BRCA2: variants seen among roughly 807,000 people sequenced by gnomAD.
BRCA2 encodes breast cancer type 2 susceptibility protein.
Under a neutral mutation model 276.7 loss-of-function variants are expected in BRCA2, and 203 were observed. The observed-to-expected ratio is 0.73, with a 90% confidence interval of 0.65 to 0.82. BRCA2 has a LOEUF of 0.82. Ranked by LOEUF, BRCA2 falls within the 40% of genes least tolerant of loss-of-function variation. The probability of loss-of-function intolerance (pLI) is 0.00; values close to 1 mark genes in which losing one functional copy is unlikely to be tolerated. For missense variants in BRCA2, 3,920 were observed against 3,915.0 expected, an observed-to-expected ratio of 1.00 and a Z score of -0.03; for synonymous variants, 1,289 against 1,338.4, an observed-to-expected ratio of 0.96 and a Z score of 0.81.
intron 20 of BRCA2, among the ~76,000 whole-genome samples, chr13:32,372,881 C>A (rs565627184): frequency 6.6e-6 from 1 of 152,212 alleles, no homozygotes; most frequent in South Asian, 2.1e-4. Context: ...TTCCAAGATA[C>A]AATGGGGGTA....
At position 32,338,972 on chromosome 13, in the gene BRCA2, G is replaced by T; in HGVS notation, c.4617G>T (p.Leu1539Phe). Reference protein sequence around the residue: ...GKKVKIAKESLDKVKNLFDEK... With the variant: ...GKKVKIAKESFDKVKNLFDEK... ...AAGTTAAAATTGCAAAGGAATCTTTGGACAAAGTGAAAAACCTTTTTGATG... is the reference window on the plus strand; with the variant it reads ...AAGTTAAAATTGCAAAGGAATCTTTTGACAAAGTGAAAAACCTTTTTGATG... Residue 1539 changes from leucine to phenylalanine, a missense_variant, in exon 11 of 27, where the codon TTG becomes TTT. This residue lies in a region of BRCA2 where 3,263 missense variants were observed against 3,156.9 expected (regional missense o/e 1.03). Coordinates refer to ENST00000380152, the MANE Select transcript of BRCA2 (RefSeq NM_000059.4). The T allele has an allele frequency of 6.2e-7, 1 of 1,613,656 alleles. No homozygotes were observed. Among genetic ancestry groups the T allele is most frequent in the Non-Finnish European group, 8.5e-7 (1 of 1,179,834 alleles).
chr13:32,343,048 GAAA>G (rs398022213), intron 11 of BRCA2, among the ~76,000 whole-genome samples: 1 of 142,224 alleles, frequency 7.0e-6, no homozygotes, highest in African/African-American at 2.6e-5. Context: ...GACTCCATCT[GAAA>G]AAAAAAAAAA....
chr13:32,331,492 G>A (rs2072391281), intron 9 of BRCA2, among the ~76,000 whole-genome samples: 2 of 152,258 alleles, frequency 1.3e-5, no homozygotes, highest in South Asian at 2.1e-4. Flanking sequence ...AAGCCCAGGC[G>A]GTCAAGGTTG....
In BRCA2 at chr13:32,339,660, G is replaced by T; in HGVS notation, c.5305G>T (p.Asp1769Tyr). 1 of 1,612,410 alleles carries T rather than the reference G, an allele frequency of 6.2e-7. No homozygotes were observed. Among genetic ancestry groups the T allele is most frequent in the South Asian group, 1.1e-5 (1 of 90,932 alleles). ...DSGYLSKNKL[D>Y]SGIEPVLKNV... is the part of the protein sequence containing the mutation. ...AGGATATCTCTCAAAAAATAAACTTGATTCTGGTATTGAGCCAGTATTGAA... is the reference window on the plus strand; with the variant it reads ...AGGATATCTCTCAAAAAATAAACTTTATTCTGGTATTGAGCCAGTATTGAA... Residue 1769 changes from aspartate to tyrosine, a missense_variant, in exon 11 of 27, where the codon GAT becomes TAT. Coordinates refer to ENST00000380152, the MANE Select transcript of BRCA2 (RefSeq NM_000059.4).
chr13:32,326,495 C>G lies in BRCA2; in HGVS notation c.517-4C>G, dbSNP rs81002804. On this transcript the variant is annotated splice_region_variant and splice_polypyrimidine_tract_variant and intron_variant, in intron 6 of 26. Coordinates refer to ENST00000380152, the MANE Select transcript of BRCA2 (RefSeq NM_000059.4). ...AAAAAATAAACTATTTTCTTTCCTC[C>G]CAGGGTCGTCAGACACCAAAACATA... The G allele has an allele frequency of 5.0e-5, 80 of 1,597,248 alleles. No homozygotes were observed. The African/African-American group carries it at 6.3e-4, about 13-fold the overall frequency.
At chr13:32,357,707 T>G (rs71436475) in intron 15 of BRCA2, 35 bp from the exon 16 acceptor site, 7 of 1,588,402 alleles carry the variant, frequency 4.4e-6, no homozygotes, top group Admixed American at 1.7e-5. Context: ...TACTTTAAAT[T>G]GTTTTTCTTT....
At chr13:32,341,535 TAACAA>T (rs2072569855) in intron 11 of BRCA2, among the ~76,000 whole-genome samples, 1 of 152,190 alleles carries the variant, frequency 6.6e-6, no homozygotes, top group Non-Finnish European at 1.5e-5. Context: ...TTGAAACTCT[TAACAA>T]AACCTGCATA....
chr13:32,339,191 A>G lies in BRCA2; in HGVS notation c.4836A>G (p.Pro1612=). ...TTGTTTCTATTGAGACTGTGGTGCC[A>G]CCTAAGCTCTTAAGTGATAATTTAT... ...KNLVSIETVV[P]PKLLSDNLCR... The change falls in exon 11 of 27, where the codon CCA becomes CCG. Residue 1612 remains proline (P), a synonymous_variant. Coordinates refer to ENST00000380152, the MANE Select transcript of BRCA2 (RefSeq NM_000059.4). 1 of 1,613,724 alleles carries G rather than the reference A, an allele frequency of 6.2e-7. No individual in the cohort carries two copies. The highest frequency in any genetic ancestry group is 2.2e-5 in the East Asian group (1 of 44,876).
In BRCA2 at chr13:32,394,830, CA is replaced by C; in HGVS notation, c.9399del (p.Gly3134AlafsTer29). ...SNLQWRPESK[S>X]GLLTLFAGDF... ...CTCCAGTGGCGACCAGAATCCAAAT[CA>C]GGCCTTCTTACTTTATTTGCTGGAG... On this transcript the variant is annotated frameshift_variant, in exon 25 of 27. Transcript: ENST00000380152. LOFTEE classifies it high-confidence loss of function. 6.2e-7 allele frequency: 1 copy of C among 1,614,104 alleles called. No homozygotes were observed. Among genetic ancestry groups the C allele is most frequent in the Non-Finnish European group, 8.5e-7 (1 of 1,179,986 alleles).
Position 32,335,967 on chromosome 13 carries a change from A to G in BRCA2, c.1910-298A>G, listed in dbSNP as rs144346065. On this transcript the variant is annotated intron_variant, in intron 10 of 26. Transcript: ENST00000380152. ...TGTGATCTCAGCTCACCGTAGCCTC[A>G]CCCTCCTGGGCTCAAGCAGTCCTTG... is the stretch of plus-strand genomic sequence containing the variant. Among the ~76,000 whole-genome samples, 51 of 152,078 alleles carry G rather than the reference A, an allele frequency of 3.4e-4. No homozygotes were observed. The East Asian group carries it at 7.5e-3, about 22-fold the overall frequency.
At chr13:32,326,180 T>TAG in intron 5 of BRCA2, 30 bp downstream of exon 5, 1 of 1,607,378 alleles carries the variant, frequency 6.2e-7, no homozygotes, top group Non-Finnish European at 8.5e-7. Context: ...TTTTTATTCT[T>TAG]AGAATACTAG....
intron 24 of BRCA2, among the ~76,000 whole-genome samples, chr13:32,383,102 C>CAAGGTGGG (rs2072935038): frequency 2.6e-5 from 4 of 151,482 alleles, no homozygotes; most frequent in African/African-American, 9.7e-5. Context: ...TGGCTAACGC[C>CAAGGTGGG]TGTAATCCAG....
chr13:32,384,273 A>C (rs1566255103), intron 24 of BRCA2, among the ~76,000 whole-genome samples: 1 of 152,214 alleles, frequency 6.6e-6, no homozygotes. Flanking sequence ...GGTTTGTTGC[A>C]ACAAGATGGC....
chr13:32,375,807 G>A (rs200317342), intron 20 of BRCA2, among the ~76,000 whole-genome samples: 3 of 151,958 alleles, frequency 2.0e-5, no homozygotes, highest in Non-Finnish European at 4.4e-5. Flanking sequence ...TGATCCACCC[G>A]CCTCGGCCTC....
chr13:32,338,492 G>A lies in BRCA2; in HGVS notation c.4137G>A (p.Gln1379=), dbSNP rs768918982. 5.0e-6 allele frequency: 8 copies of A among 1,608,860 alleles called. No individual in the cohort carries two copies. Among genetic ancestry groups the A allele is most frequent in the Non-Finnish European group, 6.8e-6 (8 of 1,178,606 alleles). ...SGQFMKEGNT[Q]IKEDLSDLTF... ...AGTTTATGAAGGAGGGAAACACTCAGATTAAAGAAGATTTGTCAGATTTAA... is the reference window on the plus strand; with the variant it reads ...AGTTTATGAAGGAGGGAAACACTCAAATTAAAGAAGATTTGTCAGATTTAA... Residue 1379 remains glutamine, a synonymous_variant, in exon 11 of 27, where the codon CAG becomes CAA. Transcript: ENST00000380152.
intron 13 of BRCA2, among the ~76,000 whole-genome samples, chr13:32,349,576 G>C (rs1319104202): frequency 1.3e-5 from 2 of 152,056 alleles, no homozygotes; most frequent in Non-Finnish European, 2.9e-5. Flanking sequence ...GGCTCACATG[G>C]AGGCTGAGGC....
chr13:32,394,970 A>G (rs2073026200), intron 25 of BRCA2, 37 bp downstream of exon 25: 6 of 1,612,060 alleles, frequency 3.7e-6, no homozygotes, highest in African/African-American at 2.7e-5. Flanking sequence ...ACATTTTGGT[A>G]TTTTTCTATT....
rs431825303 is a variant in BRCA2 at position 32,337,549 on chromosome 13, T to A, written c.3194T>A (p.Ile1065Asn). 1 of 1,607,982 alleles carries A rather than the reference T, an allele frequency of 6.2e-7. No homozygotes were observed. The highest frequency in any genetic ancestry group is 8.5e-7 in the Non-Finnish European group (1 of 1,176,976). Residue 1065 changes from isoleucine (I) to asparagine (N), a missense_variant, in exon 11 of 27, where the codon ATT becomes AAT. Transcript: ENST00000380152. ...AAGAAACTGAGCAAGCCTCAGTCAA[T>A]TAATACTGTATCTGCACATTTACAG... The part of the protein sequence containing the change: ...NQKKLSKPQS[I>N]NTVSAHLQSS...
At position 32,326,613 on chromosome 13, in the gene BRCA2, G is replaced by A. The variant is rs80358871; in HGVS notation, c.631G>A (p.Val211Ile). Residue 211 changes from valine to isoleucine, a missense_variant and splice_region_variant, in exon 7 of 27, where the codon GTC becomes ATC. Around this residue, in one of 2 missense-constraint regions of BRCA2, gnomAD observed 3,263 missense variants for 3,156.9 expected, o/e 1.03. Coordinates refer to ENST00000380152, the MANE Select transcript of BRCA2 (RefSeq NM_000059.4). Reference sequence around the variant, plus strand: ...CACCCTTAGTTCTACTGTGCTCATAGGTAATAATAGCAAATGTGTATTTAC... The same window carrying A: ...CACCCTTAGTTCTACTGTGCTCATAAGTAATAATAGCAAATGTGTATTTAC... ...PPTLSSTVLI[V>I]RNEEASETVF... The A allele has an allele frequency of 6.3e-7, 1 of 1,576,548 alleles. No individual in the cohort carries two copies. Among genetic ancestry groups the A allele is most frequent in the Non-Finnish European group, 8.7e-7 (1 of 1,146,604 alleles).
Sources: allele counts gnomAD v4.1 joint callset (sites outside exome capture counted in the v4.1 genomes callset), GRCh38; gene constraint gnomAD v4.1.1; regional missense constraint gnomAD v4.1.1; transcripts MANE v1.5; gene names NCBI Gene and HGNC (gene_info 2026-07-23, HGNC 2026-07-21).